Variants in OSBPL1A observed in about 807,000 individuals in gnomAD.
OSBPL1A encodes oxysterol binding protein like 1A, also known as oxysterol-binding protein-related protein 1.
A neutral mutation model predicts 137.1 loss-of-function variants in OSBPL1A; 80 were observed. The observed-to-expected ratio is 0.58, with a 90% CI of 0.49 to 0.70. OSBPL1A has a LOEUF of 0.70. Ranked by LOEUF, OSBPL1A falls within the 30% of genes least tolerant of loss-of-function variation. The pLI is 0.00. For missense variants in OSBPL1A, 970 were observed against 1,129.4 expected (o/e 0.86, Z 2.02); for synonymous variants, 365 against 389.7 (o/e 0.94, Z 0.75).
At chr18:24,311,025 G>T (rs1414653322) in intron 13 of OSBPL1A, among the ~76,000 whole-genome samples, 1 of 152,126 alleles carries the variant, frequency 6.6e-6, no homozygotes, top group Non-Finnish European at 1.5e-5. Flanking sequence ...TTAAACCAGA[G>T]GTAGTATGGT....
chr18:24,279,249 T>TA (rs2089906683), intron 15 of OSBPL1A, among the ~76,000 whole-genome samples: 1 of 116,816 alleles, frequency 8.6e-6, no homozygotes, highest in Non-Finnish European at 1.8e-5. Flanking sequence ...GCCCATTTCT[T>TA]TAAAAAAAAA....
At chr18:24,168,759 C>G (rs1258462729) in intron 24 of OSBPL1A, among the ~76,000 whole-genome samples, 1 of 152,042 alleles carries the variant, frequency 6.6e-6, no homozygotes, top group Non-Finnish European at 1.5e-5. Context: ...CCATGGTAGG[C>G]AGATGACAGG....
chr18:24,355,359 G>A (rs2091515471), intron 4 of OSBPL1A, among the ~76,000 whole-genome samples: 1 of 151,188 alleles, frequency 6.6e-6, no homozygotes, highest in African/African-American at 2.4e-5. Flanking sequence ...AAAAATAGCT[G>A]GGCATGGTGG....
At chr18:24,261,286 G>A (rs771689251) in intron 15 of OSBPL1A, among the ~76,000 whole-genome samples, 7 of 152,264 alleles carry the variant, frequency 4.6e-5, no homozygotes, top group Middle Eastern at 3.4e-3. Flanking sequence ...ATTACAAAGA[G>A]GCAGTAAGGA....
At chr18:24,319,981 CAAAAA>C (rs56140141) in intron 7 of OSBPL1A, among the ~76,000 whole-genome samples, 1,089 of 77,484 alleles carry the variant, frequency 0.014, 19 homozygotes, top group African/African-American at 0.05. Flanking sequence ...CTTATCTCTA[CAAAAA>C]AAAAAAAAAA....
At chr18:24,175,976 C>G (rs2086434495) in intron 21 of OSBPL1A, among the ~76,000 whole-genome samples, 1 of 152,314 alleles carries the variant, frequency 6.6e-6, no homozygotes, top group South Asian at 2.1e-4. Flanking sequence ...TTTCTGGATT[C>G]CCTTCCCCGT....
At chr18:24,396,045 C>A (rs889516784) in intron 1 of OSBPL1A, among the ~76,000 whole-genome samples, 5 of 151,058 alleles carry the variant, frequency 3.3e-5, no homozygotes, top group African/African-American at 1.2e-4. Context: ...ATGGTGAAAC[C>A]TCGTCTCTAC....
At chr18:24,371,139 G>A (rs1186616423) in intron 2 of OSBPL1A, among the ~76,000 whole-genome samples, 1 of 151,852 alleles carries the variant, frequency 6.6e-6, no homozygotes, top group Non-Finnish European at 1.5e-5. Context: ...GAAGTACAAC[G>A]AGCCCAGTTT....
chr18:24,185,127 A>G (rs2086710441), intron 18 of OSBPL1A, among the ~76,000 whole-genome samples: 1 of 152,174 alleles, frequency 6.6e-6, no homozygotes. Context: ...TGGAGACAGT[A>G]AAAAGGTCAG....
Position 24,275,598 on chromosome 18 carries a change from A to G in OSBPL1A, c.1281+5244T>C, listed in dbSNP as rs539425495. Reference sequence around the variant, plus strand: ...TGACTTTGTAGAGCTGTAAGTCCACATGAACACATGATCTCTCTTCAAAGA... The same window carrying G: ...TGACTTTGTAGAGCTGTAAGTCCACGTGAACACATGATCTCTCTTCAAAGA... On this transcript the variant is annotated intron_variant, in intron 15 of 27. Coordinates refer to ENST00000319481, the MANE Select transcript of OSBPL1A (RefSeq NM_080597.4). Among the ~76,000 whole-genome samples, 271 of 152,352 alleles carry G rather than the reference A, an allele frequency of 1.8e-3. 1 individual carries two copies. Among genetic ancestry groups the G allele is most frequent in the South Asian group, 5.6e-3 (27 of 4,834 alleles).
chr18:24,296,484 T>C (rs898355033), intron 14 of OSBPL1A, among the ~76,000 whole-genome samples: 7 of 152,186 alleles, frequency 4.6e-5, no homozygotes, highest in Non-Finnish European at 1.0e-4. Flanking sequence ...TCCACATAGA[T>C]GCCCTTTATT....
At position 24,377,497 on chromosome 18, in the gene OSBPL1A, C is replaced by T. The variant is rs779046722; in HGVS notation, c.37G>A (p.Ala13Thr). 2.5e-6 allele frequency: 4 copies of T among 1,611,154 alleles called. No individual in the cohort carries two copies. Among genetic ancestry groups the T allele is most frequent in the South Asian group, 2.2e-5 (2 of 90,082 alleles). The change falls in exon 2 of 28, where the codon GCC becomes ACC. Residue 13 changes from alanine to threonine, a missense_variant. Coordinates refer to ENST00000319481, the MANE Select transcript of OSBPL1A (RefSeq NM_080597.4). ...ACTTCTTCAGCATTGCCATTTCTGGCGTGATGGAGAAGCTGTTGCTCCGCT... is the reference window on the plus strand; with the variant it reads ...ACTTCTTCAGCATTGCCATTTCTGGTGTGATGGAGAAGCTGTTGCTCCGCT... ...TEAEQQLLHH[A>T]RNGNAEEVRQ... is the part of the protein sequence containing the mutation.
intron 12 of OSBPL1A, 111 bp from the exon 13 acceptor site, chr18:24,312,217 G>A: frequency 7.7e-7 from 1 of 1,304,552 alleles, no homozygotes; most frequent in Non-Finnish European, 1.0e-6. Flanking sequence ...AAATATTATG[G>A]CCTCAAAAGG....
intron 7 of OSBPL1A, among the ~76,000 whole-genome samples, chr18:24,329,073 T>A (rs924786893): frequency 1.3e-5 from 2 of 152,148 alleles, no homozygotes; most frequent in South Asian, 4.1e-4. Context: ...TTTCTACTCC[T>A]ATTGATGTCA....
At chr18:24,396,180 A>T (rs1161317693) in intron 1 of OSBPL1A, among the ~76,000 whole-genome samples, 1 of 151,102 alleles carries the variant, frequency 6.6e-6, no homozygotes, top group Admixed American at 6.6e-5. Context: ...AGATCGCGCC[A>T]CTGCACTCCA....
At chr18:24,397,016 A>G (rs989317436) in intron 1 of OSBPL1A, among the ~76,000 whole-genome samples, 1 of 152,240 alleles carries the variant, frequency 6.6e-6, no homozygotes, top group African/African-American at 2.4e-5. Flanking sequence ...CCACAGTTCC[A>G]TTTCACAATA....
At chr18:24,233,687 T>C (rs1459485391) in intron 16 of OSBPL1A, among the ~76,000 whole-genome samples, 1 of 152,118 alleles carries the variant, frequency 6.6e-6, no homozygotes, top group East Asian at 1.9e-4. Flanking sequence ...CTCGCTCTGT[T>C]GCCCAGGATG....
intron 18 of OSBPL1A, among the ~76,000 whole-genome samples, chr18:24,184,629 A>G (rs1423598133): frequency 1.3e-5 from 2 of 152,174 alleles, no homozygotes; most frequent in African/African-American, 4.8e-5. Flanking sequence ...CTACTGTTAT[A>G]GTATGGGTGG....
chr18:24,215,907 C>T lies in OSBPL1A; in HGVS notation c.1601+9135G>A, dbSNP rs571751873. Among the ~76,000 whole-genome samples the T allele has an allele frequency of 9.9e-5, 15 of 152,268 alleles. 1 individual carries two copies. Among genetic ancestry groups the T allele is most frequent in the Admixed American group, 7.2e-4 (11 of 15,278 alleles). ...AGGGTACATCTTTGGATAAATAGAT[C>T]GAGATGCCAAGCAAGAATATACGTT... On this transcript the variant is annotated intron_variant, in intron 17 of 27. Transcript: ENST00000319481.
Sources: gnomAD v4.1 joint callset for allele counts (sites outside exome capture counted in the v4.1 genomes callset) on GRCh38, gnomAD v4.1.1 for gene constraint, MANE v1.5 for transcripts, NCBI Gene and HGNC (gene_info 2026-07-23, HGNC 2026-07-21) for gene names.